NRXN3: variants seen among roughly 807,000 people sequenced by gnomAD.
The protein encoded by NRXN3 is neurexin III.
NRXN3 carries 32 observed loss-of-function variants against 137.6 expected under a neutral mutation model. That is an observed-to-expected ratio of 0.23 (90% CI 0.18 to 0.31). The LOEUF is 0.31. NRXN3 is among the 10% of genes least tolerant of loss of function. The probability of loss-of-function intolerance (pLI) is 1.00; values close to 1 mark genes in which losing one functional copy is unlikely to be tolerated. For synonymous variants in NRXN3, 798 were observed against 784.5 expected (o/e 1.02, Z -0.29); for missense variants, 1,574 against 2,062.5 (o/e 0.76, Z 4.59).
At chr14:79,859,878 G>A (rs2099410660) in intron 20 of NRXN3, among the ~76,000 whole-genome samples, 1 of 152,030 alleles carries the variant, frequency 6.6e-6, no homozygotes, top group African/African-American at 2.4e-5. Context: ...AGTGATAGTG[G>A]GAATACATTT....
At chr14:79,397,933 A>T in intron 15 of NRXN3, among the ~76,000 whole-genome samples, 1 of 152,280 alleles carries the variant, frequency 6.6e-6, no homozygotes, top group African/African-American at 2.4e-5. Flanking sequence ...TTGCTTAATG[A>T]GGTTCTGTGC....
At chr14:78,559,027 C>T (rs1422890080) in intron 4 of NRXN3, among the ~76,000 whole-genome samples, 1 of 152,170 alleles carries the variant, frequency 6.6e-6, no homozygotes, top group Non-Finnish European at 1.5e-5. Context: ...TGTATTTTCT[C>T]CTTTTGACCT....
At chr14:79,754,003 A>G (rs557579901) in intron 19 of NRXN3, among the ~76,000 whole-genome samples, 39 of 152,162 alleles carry the variant, frequency 2.6e-4, no homozygotes, top group African/African-American at 7.7e-4. Flanking sequence ...GATGATTTAA[A>G]GTACATGGGA....
intron 15 of NRXN3, among the ~76,000 whole-genome samples, chr14:79,173,189 T>G (rs2153099863): frequency 6.6e-6 from 1 of 152,280 alleles, no homozygotes; most frequent in Admixed American, 6.5e-5. Flanking sequence ...ACAAGAATCC[T>G]ATATGCTATA....
chr14:79,775,554 A>G (rs1199212883), intron 19 of NRXN3, among the ~76,000 whole-genome samples: 1 of 98,292 alleles, frequency 1.0e-5, no homozygotes, highest in Non-Finnish European at 2.1e-5. Flanking sequence ...GCTCTAACCG[A>G]AAAAAAAAAA....
At chr14:79,565,504 G>A (rs1007945557) in intron 16 of NRXN3, among the ~76,000 whole-genome samples, 1 of 151,818 alleles carries the variant, frequency 6.6e-6, no homozygotes, top group Non-Finnish European at 1.5e-5. Context: ...GCTATTCAGT[G>A]CCTATTGAGT....
At chr14:78,659,888 T>C (rs1181973915) in intron 6 of NRXN3, among the ~76,000 whole-genome samples, 4 of 152,112 alleles carry the variant, frequency 2.6e-5, no homozygotes, top group African/African-American at 7.2e-5. Flanking sequence ...ATTGGCAATG[T>C]CAGTCGATTA....
At chr14:79,326,690 A>T (rs1224818811) in intron 15 of NRXN3, among the ~76,000 whole-genome samples, 2 of 152,210 alleles carry the variant, frequency 1.3e-5, no homozygotes, top group Non-Finnish European at 2.9e-5. Context: ...AAATAAATAT[A>T]AAAGATCTGT....
intron 19 of NRXN3, among the ~76,000 whole-genome samples, chr14:79,710,625 T>A (rs971348330): frequency 4.6e-5 from 7 of 152,232 alleles, no homozygotes; most frequent in African/African-American, 1.7e-4. Flanking sequence ...GTCCAGTTTA[T>A]GAGGGCATGA....
At chr14:79,748,913 A>G (rs907717759) in intron 19 of NRXN3, among the ~76,000 whole-genome samples, 4 of 152,118 alleles carry the variant, frequency 2.6e-5, no homozygotes, top group African/African-American at 9.7e-5. Flanking sequence ...AGATTAAAAA[A>G]AAAAAGTCAA....
At chr14:78,517,805 T>C (rs75761620) in intron 4 of NRXN3, among the ~76,000 whole-genome samples, 3,963 of 152,278 alleles carry the variant, frequency 0.026, 72 homozygotes, top group Non-Finnish European at 0.039. Context: ...CAAATGCAGG[T>C]TCATATTCTG....
chr14:78,172,284 G>GCT (rs1485699697), intron 1 of NRXN3, among the ~76,000 whole-genome samples: 14 of 152,242 alleles, frequency 9.2e-5, no homozygotes, highest in Middle Eastern at 3.4e-3. Context: ...GTCTGGGGAG[G>GCT]CTGGAGAACT....
At chr14:79,720,108 A>G (rs944800632) in intron 19 of NRXN3, among the ~76,000 whole-genome samples, 6 of 152,134 alleles carry the variant, frequency 3.9e-5, no homozygotes, top group African/African-American at 1.4e-4. Context: ...GAGGTTTAAT[A>G]GACTCAGAGT....
At chr14:79,545,631 T>C (rs1051476531) in intron 16 of NRXN3, among the ~76,000 whole-genome samples, 1 of 152,072 alleles carries the variant, frequency 6.6e-6, no homozygotes, top group African/African-American at 2.4e-5. Flanking sequence ...AGGTACATTA[T>C]TCTGCCTACC....
intron 1 of NRXN3, among the ~76,000 whole-genome samples, chr14:78,194,322 GAGA>G (rs76981221): frequency 0.16 from 23,817 of 152,178 alleles, 1,918 homozygotes; most frequent in Middle Eastern, 0.2. Flanking sequence ...GGAGAGTTGG[GAGA>G]AGGTCAGGGC....
chr14:79,782,402 T>C (rs1009327043), intron 19 of NRXN3, among the ~76,000 whole-genome samples: 4 of 152,154 alleles, frequency 2.6e-5, no homozygotes, highest in African/African-American at 9.7e-5. Context: ...GGATGAGTCA[T>C]GGTAAGACTC....
intron 4 of NRXN3, among the ~76,000 whole-genome samples, chr14:78,518,484 A>AG (rs146576664): frequency 1.5e-4 from 23 of 152,264 alleles, no homozygotes; most frequent in Non-Finnish European, 2.8e-4. Flanking sequence ...ATAGAAAAAA[A>AG]GTGAGGTCCC....
At chr14:78,478,033 A>C (rs1174315027) in intron 4 of NRXN3, among the ~76,000 whole-genome samples, 2 of 152,194 alleles carry the variant, frequency 1.3e-5, no homozygotes, top group Non-Finnish European at 2.9e-5. Flanking sequence ...GACCGAATTG[A>C]GAGACAGGAT....
At chr14:78,283,561 T>C (rs955487114) in intron 3 of NRXN3, among the ~76,000 whole-genome samples, 1 of 151,912 alleles carries the variant, frequency 6.6e-6, no homozygotes. Context: ...CAGACTGGCA[T>C]GTAATGGTGC....
Sources: gnomAD v4.1 joint callset for allele counts (sites outside exome capture counted in the v4.1 genomes callset) on GRCh38, gnomAD v4.1.1 for gene constraint, MANE v1.5 for transcripts, NCBI Gene and HGNC (gene_info 2026-07-23, HGNC 2026-07-21) for gene names.